The following KCNK9 variants were observed in gnomAD, a reference collection of about 807,000 sequenced individuals.
KCNK9 encodes potassium two pore domain channel subfamily K member 9, also known as potassium channel subfamily K member 9.
A neutral mutation model predicts 10.8 loss-of-function variants in KCNK9; 1 was observed. That is an observed-to-expected ratio of 0.09 (90% CI 0.03 to 0.44). The LOEUF (loss-of-function observed/expected upper bound fraction) is 0.44, where lower values mean the gene tolerates loss of function less well. Among genes scored for constraint, KCNK9 ranks in the 20% least tolerant of loss-of-function variants. KCNK9 has a pLI of 0.97. For missense variants in KCNK9, 303 were observed against 515.0 expected, an observed-to-expected ratio of 0.59 and a Z score of 3.98; for synonymous variants, 231 against 222.7, an observed-to-expected ratio of 1.04 and a Z score of -0.33.
At chr8:139,643,888 T>C (rs760765956) in intron 1 of KCNK9, among the ~76,000 whole-genome samples, 2 of 152,172 alleles carry the variant, frequency 1.3e-5, no homozygotes, top group Non-Finnish European at 2.9e-5. Flanking sequence ...CTCTGCACCA[T>C]GGAAGGGAGT....
chr8:139,625,244 C>A lies in KCNK9; in HGVS notation c.284-6145G>T, dbSNP rs1386885420. ...GGAACTGACAGCCTGCCTGCTTCCA[C>A]AGGGCCTTCTTAGCCGGTTACTAGG... On this transcript the variant is annotated intron_variant, in intron 1 of 1. Coordinates refer to ENST00000520439, the MANE Select transcript of KCNK9 (RefSeq NM_001282534.2). Among the ~76,000 whole-genome samples the A allele has an allele frequency of 2.6e-5, 4 of 152,214 alleles. No individual in the cohort carries two copies. The East Asian group carries it at 7.7e-4, about 29-fold the overall frequency.
downstream of KCNK9, among the ~76,000 whole-genome samples, chr8:139,613,912 C>T (rs1379738310): frequency 3.3e-5 from 5 of 152,212 alleles, no homozygotes; most frequent in African/African-American, 9.7e-5. Flanking sequence ...TCACTGATGA[C>T]GGGGCCAGTG....
chr8:139,612,045 C>CTCTT (rs1814442290), downstream of KCNK9: 1 of 152,128 alleles, frequency 6.6e-6, no homozygotes, highest in Admixed American at 6.5e-5. Flanking sequence ...CTAGGGGAGC[C>CTCTT]CAGAAGAGGA....
At chr8:139,631,087 G>C (rs991963614) in intron 1 of KCNK9, among the ~76,000 whole-genome samples, 3 of 152,238 alleles carry the variant, frequency 2.0e-5, no homozygotes, top group African/African-American at 7.2e-5. Context: ...ACACGGCCCC[G>C]GGTGCGGGGT....
chr8:139,630,857 C>G (rs1490275941), intron 1 of KCNK9, among the ~76,000 whole-genome samples: 1 of 152,236 alleles, frequency 6.6e-6, no homozygotes, highest in Non-Finnish European at 1.5e-5. Flanking sequence ...CAGAAGCCTG[C>G]AATCACACTC....
At chr8:139,679,078 G>T (rs959622759) in intron 1 of KCNK9, among the ~76,000 whole-genome samples, 1 of 152,182 alleles carries the variant, frequency 6.6e-6, no homozygotes, top group African/African-American at 2.4e-5. Flanking sequence ...GAGGCAGGGT[G>T]GGCTGTCCCC....
rs1202046446 is a variant in KCNK9 at position 139,687,426 on chromosome 8, A to T, written c.283+15284T>A. Among the ~76,000 whole-genome samples the T allele has an allele frequency of 1.4e-5, 2 of 141,252 alleles. 1 individual carries two copies. Among genetic ancestry groups the T allele is most frequent in the Non-Finnish European group, 3.0e-5 (2 of 66,384 alleles). The allele number at this position is 141,252 out of a possible 152,430, so 92.7% of individuals were successfully genotyped here. ...CATATATATTCATATATGTGTATAC[A>T]TATATATTCATATATATGTATACAC... On this transcript the variant is annotated intron_variant, in intron 1 of 1. Coordinates refer to ENST00000520439, the MANE Select transcript of KCNK9 (RefSeq NM_001282534.2).
At chr8:139,697,915 G>T (rs1817101942) in intron 1 of KCNK9, among the ~76,000 whole-genome samples, 1 of 152,114 alleles carries the variant, frequency 6.6e-6, no homozygotes, top group African/African-American at 2.4e-5. Context: ...CTGCCCACAG[G>T]CATCTCCTGG....
rs1359526412 is a variant in KCNK9, at chr8:139,702,075, C to A, written c.283+635G>T. 6.6e-6 allele frequency among the ~76,000 whole-genome samples: 1 copy of A among 152,208 alleles called. No homozygotes were observed. The highest frequency in any genetic ancestry group is 2.4e-5 in the African/African-American group (1 of 41,452). On this transcript the variant is annotated intron_variant, in intron 1 of 1. Transcript: ENST00000520439. The surrounding 1 kb of genome is among the most constrained non-coding windows in gnomAD (Gnocchi z 7.5). ...GAGGGGCTGCCACCCCCAACGCAAG[C>A]ACCAGAGAGCAAACTCTCTCCTCCC...
intron 1 of KCNK9, among the ~76,000 whole-genome samples, chr8:139,682,731 A>G (rs1816717139): frequency 6.6e-6 from 1 of 152,352 alleles, no homozygotes; most frequent in African/African-American, 2.4e-5. Flanking sequence ...CTTGATGCAC[A>G]TAAGCACAGG....
exon 3 of KCNK9, chr8:139,601,227 G>T (rs894912432): frequency 2.6e-5 from 4 of 152,232 alleles, no homozygotes; most frequent in Admixed American, 2.0e-4. Context: ...CTTCTCAGAC[G>T]ATTTCCCCAA....
chr8:139,643,274 C>CT (rs963041276), intron 1 of KCNK9, among the ~76,000 whole-genome samples: 1 of 152,232 alleles, frequency 6.6e-6, no homozygotes, highest in Non-Finnish European at 1.5e-5. Context: ...CACCATTGGT[C>CT]TCCACCCTCT....
At chr8:139,642,004 C>A (rs1486134049) in intron 1 of KCNK9, among the ~76,000 whole-genome samples, 2 of 152,178 alleles carry the variant, frequency 1.3e-5, no homozygotes, top group African/African-American at 4.8e-5. Flanking sequence ...CCAGCCATAG[C>A]CCGGTGAGGT....
At position 139,661,890 on chromosome 8, in the gene KCNK9, C is replaced by T. The variant is rs973565250; in HGVS notation, c.283+40820G>A. On this transcript the variant is annotated intron_variant, in intron 1 of 1. Transcript: ENST00000520439. The stretch of plus-strand genomic sequence containing the variant: ...AGGAGGTGAATAGAGGCTCACTCCC[C>T]TTTCTCTGTGAGGGCCAGCCTCCTG... Among the ~76,000 whole-genome samples, 12 of 152,256 alleles carry T rather than the reference C, an allele frequency of 7.9e-5. No homozygotes were observed. The East Asian group carries it at 1.2e-3, about 15-fold the overall frequency.
rs1816990396 is a variant in KCNK9, at chr8:139,693,876, AGGT to A, written c.283+8831_283+8833del. ...AAGGTCACTGCAGTGGTGGAGTGGA[AGGT>A]GGTGTCCCAGGAAGCCATAGTATCC... On this transcript the variant is annotated intron_variant, in intron 1 of 1. Coordinates refer to ENST00000520439, the MANE Select transcript of KCNK9 (RefSeq NM_001282534.2). This position sits in a 1 kb window ranked among gnomAD's most constrained non-coding sequence, Gnocchi z 4.1. Among the ~76,000 whole-genome samples the A allele has an allele frequency of 6.6e-6, 1 of 152,264 alleles. No homozygotes were observed. The highest frequency in any genetic ancestry group is 1.9e-4 in the East Asian group (1 of 5,174).
chr8:139,658,055 G>T (rs1402058802), intron 1 of KCNK9, among the ~76,000 whole-genome samples: 1 of 152,236 alleles, frequency 6.6e-6, no homozygotes, highest in African/African-American at 2.4e-5. Context: ...GTTGTATCAG[G>T]TCAGGGTCAT....
Position 139,632,408 on chromosome 8 carries a change from G to A in KCNK9, c.284-13309C>T, listed in dbSNP as rs537333758. On this transcript the variant is annotated intron_variant, in intron 1 of 1. Coordinates refer to ENST00000520439, the MANE Select transcript of KCNK9 (RefSeq NM_001282534.2). ...AAACTGGCTTCCACCAGGGCCTCCC[G>A]CGTGGAAGGATGCTCATTTTCTCAG... is the stretch of plus-strand genomic sequence containing the variant. 7.8e-4 allele frequency among the ~76,000 whole-genome samples: 119 copies of A among 152,302 alleles called. 2 individuals carry two copies. The South Asian group carries it at 0.018, about 24-fold the overall frequency.
intron 1 of KCNK9, among the ~76,000 whole-genome samples, chr8:139,674,979 C>T (rs927772278): frequency 6.6e-6 from 1 of 152,188 alleles, no homozygotes; most frequent in South Asian, 2.1e-4. Flanking sequence ...GACACAGTTC[C>T]GAGTGTCTGC....
chr8:139,698,062 A>G (rs985692769), intron 1 of KCNK9, among the ~76,000 whole-genome samples: 5 of 152,112 alleles, frequency 3.3e-5, no homozygotes, highest in Non-Finnish European at 7.4e-5. Flanking sequence ...CTAAAGGGAG[A>G]AGGAAAAACG....
Sources: allele counts gnomAD v4.1 joint callset (sites outside exome capture counted in the v4.1 genomes callset), GRCh38; gene constraint gnomAD v4.1.1; non-coding constraint Gnocchi (gnomAD v3.1); transcripts MANE v1.5; gene names NCBI Gene and HGNC (gene_info 2026-07-23, HGNC 2026-07-21).